GRIN2A: variants seen among roughly 807,000 people sequenced by gnomAD.
GRIN2A encodes the protein glutamate receptor ionotropic, NMDA 2A.
GRIN2A carries 22 observed loss-of-function variants against 113.4 expected under a neutral mutation model. That is an observed-to-expected ratio of 0.19 (90% confidence interval 0.14 to 0.28). GRIN2A has a LOEUF of 0.28. GRIN2A is among the 10% of genes least tolerant of loss of function. GRIN2A has a pLI of 1.00. For synonymous variants in GRIN2A, 827 were observed against 738.4 expected, an observed-to-expected ratio of 1.12 and a Z score of -1.94; for missense variants, 1,502 against 1,887.0, an observed-to-expected ratio of 0.80 and a Z score of 3.78.
chr16:10,112,679 G>A lies in GRIN2A; in HGVS notation c.414+67319C>T, dbSNP rs950829305. 5 of 756,168 alleles carry A rather than the reference G, an allele frequency of 6.6e-6. No individual in the cohort carries two copies. In the African/African-American group the frequency reaches 6.8e-5, roughly 10 times the overall value. The allele number at this position is 756,168 out of a possible 1,614,324, so 46.8% of individuals were successfully genotyped here. A position where few individuals can be genotyped will look rare whatever the true frequency, so the allele number is the denominator to read the frequency against. On this transcript the variant is annotated intron_variant, in intron 2 of 12. Transcript: ENST00000330684. ...GCCAGAAACGATACTTCAGCGAGGG[G>A]GAAAAGGTGAATATTGTGCAGGGTG...
At chr16:10,028,305 G>A (rs1490672313) in intron 2 of GRIN2A, among the ~76,000 whole-genome samples, 1 of 152,150 alleles carries the variant, frequency 6.6e-6, no homozygotes, top group Non-Finnish European at 1.5e-5. Flanking sequence ...CAGGTATCTG[G>A]CATAGTAGGG....
chr16:9,784,916 G>C (rs1025637166), intron 11 of GRIN2A, among the ~76,000 whole-genome samples: 1 of 152,138 alleles, frequency 6.6e-6, no homozygotes, highest in African/African-American at 2.4e-5. Flanking sequence ...AGTTAGAATG[G>C]CAATCATTAA....
intron 4 of GRIN2A, among the ~76,000 whole-genome samples, chr16:9,853,208 C>A (rs1387240448): frequency 6.6e-6 from 1 of 152,140 alleles, no homozygotes; most frequent in Admixed American, 6.5e-5. Context: ...CCAGAAAATG[C>A]AAAGCCTTGT....
intron 2 of GRIN2A, among the ~76,000 whole-genome samples, chr16:10,147,724 G>C (rs1413932368): frequency 6.6e-6 from 1 of 151,678 alleles, no homozygotes; most frequent in African/African-American, 2.4e-5. Flanking sequence ...CAAAATACAA[G>C]CATAGCTTCT....
chr16:10,101,729 A>G (rs1437388618), intron 2 of GRIN2A, among the ~76,000 whole-genome samples: 3 of 152,224 alleles, frequency 2.0e-5, no homozygotes, highest in African/African-American at 7.2e-5. Context: ...GGAAATTGCT[A>G]TATATCTCAG....
intron 2 of GRIN2A, among the ~76,000 whole-genome samples, chr16:10,060,107 A>G (rs1327418475): frequency 1.3e-5 from 2 of 152,166 alleles, no homozygotes; most frequent in African/African-American, 4.8e-5. Context: ...GACATTCCCA[A>G]GGAAGAGGAA....
chr16:10,138,409 C>T (rs937229385), intron 2 of GRIN2A, among the ~76,000 whole-genome samples: 5 of 151,990 alleles, frequency 3.3e-5, no homozygotes, highest in African/African-American at 7.2e-5. Context: ...TGGTGGAAGA[C>T]GAAGAGGAAG....
In GRIN2A at chr16:9,757,565, TC is replaced by T. The variant is rs2141113601; in HGVS notation, c.*5583del. 4.4e-6 allele frequency: 1 copy of T among 226,578 alleles called. No homozygotes were observed. The highest frequency in any genetic ancestry group is 6.3e-5 in the East Asian group (1 of 15,772). The allele number at this position is 226,578 out of a possible 1,614,324, so 14.0% of individuals were successfully genotyped here. ...GACTATATTTTCTATTTATTTTGCA[TC>T]CCCTCCCCCACAATCCCAAACTGGC... is the stretch of plus-strand genomic sequence containing the variant. On this transcript the variant is annotated 3_prime_UTR_variant, in exon 13 of 13. Transcript: ENST00000330684.
intron 2 of GRIN2A, among the ~76,000 whole-genome samples, chr16:10,051,038 C>T (rs1437535324): frequency 6.6e-6 from 1 of 152,138 alleles, no homozygotes; most frequent in African/African-American, 2.4e-5. Flanking sequence ...GAGCATGTCC[C>T]AGGCCCCCCA....
At chr16:10,090,332 A>G (rs1425965173) in intron 2 of GRIN2A, among the ~76,000 whole-genome samples, 1 of 152,238 alleles carries the variant, frequency 6.6e-6, no homozygotes, top group African/African-American at 2.4e-5. Flanking sequence ...TGTGGTATTA[A>G]GGGAAAGAGA....
At chr16:9,972,862 G>A (rs1344274489) in intron 2 of GRIN2A, among the ~76,000 whole-genome samples, 1 of 152,256 alleles carries the variant, frequency 6.6e-6, no homozygotes, top group East Asian at 1.9e-4. Context: ...AGCCAGCTGT[G>A]CAGGAGACCA....
intron 2 of GRIN2A, among the ~76,000 whole-genome samples, chr16:10,136,247 GCACA>G (rs1168564107): frequency 2.0e-5 from 3 of 152,004 alleles, no homozygotes; most frequent in African/African-American, 7.3e-5. Context: ...ATAACTTCCA[GCACA>G]CACAAACACA....
chr16:9,962,513 T>C (rs1450320567), intron 2 of GRIN2A, among the ~76,000 whole-genome samples: 1 of 151,888 alleles, frequency 6.6e-6, no homozygotes, highest in African/African-American at 2.4e-5. Context: ...CATGAAAAAA[T>C]GCTCATCATC....
Position 10,178,459 on chromosome 16 carries a change from C to G in GRIN2A, c.414+1539G>C, listed in dbSNP as rs901084504. Among the ~76,000 whole-genome samples the G allele has an allele frequency of 2.0e-5, 3 of 152,202 alleles. No individual in the cohort carries two copies. In the South Asian group the frequency reaches 6.2e-4, roughly 32 times the overall value. On this transcript the variant is annotated intron_variant, in intron 2 of 12. Transcript: ENST00000330684. The stretch of plus-strand genomic sequence containing the variant: ...CTCCCCTATGGCTCAGTCACTTCAT[C>G]TGAAAGTTACAGCATGCTCCAAGAA...
At chr16:9,914,930 TTTTTTTTTTTTTTTTTTTTTTA>T (rs2044215731) in intron 3 of GRIN2A, among the ~76,000 whole-genome samples, 2 of 91,506 alleles carry the variant, frequency 2.2e-5, no homozygotes, top group African/African-American at 4.9e-5. Context: ...TTTTTTTTTT[TTTTTTTTTTTTTTTTTTTTTTA>T]ATGAGACGGA....
intron 4 of GRIN2A, among the ~76,000 whole-genome samples, chr16:9,870,669 G>A (rs956386082): frequency 7.0e-6 from 1 of 143,108 alleles, no homozygotes; most frequent in Non-Finnish European, 1.5e-5. Flanking sequence ...ATGGAGTCTC[G>A]CTCTGTTGCC....
chr16:9,872,799 G>A (rs2043292779), intron 4 of GRIN2A, among the ~76,000 whole-genome samples: 1 of 152,098 alleles, frequency 6.6e-6, no homozygotes, highest in Non-Finnish European at 1.5e-5. Context: ...AAGTGGAGGG[G>A]TGGGGGAATC....
At chr16:10,081,580 C>T (rs571499611) in intron 2 of GRIN2A, among the ~76,000 whole-genome samples, 1 of 152,266 alleles carries the variant, frequency 6.6e-6, no homozygotes, top group African/African-American at 2.4e-5. Context: ...GGCCTTAAGC[C>T]CAACATTTTG....
intron 3 of GRIN2A, among the ~76,000 whole-genome samples, chr16:9,923,905 T>A (rs2044403390): frequency 6.6e-6 from 1 of 151,996 alleles, no homozygotes; most frequent in Admixed American, 6.5e-5. Flanking sequence ...GGTGGGTGGA[T>A]CACTTGAGGC....
Sources: gnomAD v4.1 joint callset for allele counts (sites outside exome capture counted in the v4.1 genomes callset) on GRCh38, gnomAD v4.1.1 for gene constraint, MANE v1.5 for transcripts, NCBI Gene and HGNC (gene_info 2026-07-23, HGNC 2026-07-21) for gene names.